The following DTNA variants were observed in gnomAD, a reference collection of about 807,000 sequenced individuals.
DTNA encodes the protein dystrophin-related protein 3.
In DTNA, 43 loss-of-function variants were observed where a neutral mutation model predicts 100.7. The observed-to-expected ratio is 0.43, with a 90% CI of 0.33 to 0.55. DTNA has a LOEUF of 0.55. Ranked by LOEUF, DTNA falls within the 20% of genes least tolerant of loss-of-function variation. DTNA has a pLI of 0.04. For synonymous variants in DTNA, 349 were observed against 347.9 expected (o/e 1.00, Z -0.04); for missense variants, 798 against 953.9 (o/e 0.84, Z 2.15).
intron 1 of DTNA, among the ~76,000 whole-genome samples, chr18:34,667,460 G>A (rs2144836946): frequency 1.3e-5 from 2 of 152,296 alleles, no homozygotes; most frequent in Middle Eastern, 6.8e-3. Context: ...CCAACACTAT[G>A]TTGAAAAGGA....
intron 14 of DTNA, among the ~76,000 whole-genome samples, chr18:34,850,689 T>C (rs1191030612): frequency 1.3e-5 from 2 of 152,172 alleles, no homozygotes; most frequent in Admixed American, 6.5e-5. Flanking sequence ...ACAATAAAAA[T>C]TGGTGTGGAG....
chr18:34,830,641 C>T (rs919496716), intron 11 of DTNA, among the ~76,000 whole-genome samples: 10 of 152,150 alleles, frequency 6.6e-5, no homozygotes, highest in African/African-American at 2.2e-4. Flanking sequence ...CTCAAAGGCA[C>T]TCTCCCTTGG....
intron 17 of DTNA, among the ~76,000 whole-genome samples, chr18:34,865,170 G>A (rs957208331): frequency 2.6e-5 from 4 of 152,186 alleles, no homozygotes. Flanking sequence ...GCGAGAGAGG[G>A]TCTCCCAACT....
intron 1 of DTNA, among the ~76,000 whole-genome samples, chr18:34,559,981 G>A (rs1419456982): frequency 6.6e-6 from 1 of 152,152 alleles, no homozygotes; most frequent in Non-Finnish European, 1.5e-5. Flanking sequence ...AACCACTAGA[G>A]ATTCTGTAAT....
intron 17 of DTNA, 62 bp from the exon 18 acceptor site, chr18:34,875,177 T>C: frequency 1.3e-6 from 2 of 1,594,204 alleles, no homozygotes; most frequent in Non-Finnish European, 1.7e-6. Flanking sequence ...AACTGAGGCA[T>C]TGGGGATGAC....
intron 6 of DTNA, 27 bp downstream of exon 6, chr18:34,812,140 T>C (rs770968378): frequency 4.3e-6 from 7 of 1,613,496 alleles, no homozygotes; most frequent in Non-Finnish European, 1.7e-6. Context: ...TTTAAGGAAG[T>C]ATCTCTTTCA....
intron 17 of DTNA, among the ~76,000 whole-genome samples, chr18:34,873,961 C>T (rs1045318420): frequency 5.9e-5 from 9 of 152,108 alleles, no homozygotes; most frequent in Non-Finnish European, 1.3e-4. Flanking sequence ...AGAATGGGAC[C>T]CTCAGCCCAT....
chr18:34,612,223 G>A (rs1171474548), intron 1 of DTNA, among the ~76,000 whole-genome samples: 4 of 152,100 alleles, frequency 2.6e-5, no homozygotes, highest in Admixed American at 1.3e-4. Context: ...CACCATCTAC[G>A]CGTGCCTGGA....
chr18:34,521,555 G>T (rs2042150632), intron 1 of DTNA, among the ~76,000 whole-genome samples: 1 of 152,074 alleles, frequency 6.6e-6, no homozygotes, highest in Non-Finnish European at 1.5e-5. Flanking sequence ...AGGTGACCTT[G>T]CTTGGACCTC....
chr18:34,592,908 G>A (rs964814374), intron 1 of DTNA, among the ~76,000 whole-genome samples: 2 of 152,134 alleles, frequency 1.3e-5, no homozygotes, highest in African/African-American at 4.8e-5. Context: ...TTTACTATTT[G>A]TATTTTGTGT....
At chr18:34,557,623 T>G (rs1293270386) in intron 1 of DTNA, among the ~76,000 whole-genome samples, 37 of 151,718 alleles carry the variant, frequency 2.4e-4, no homozygotes, top group Admixed American at 2.4e-3. Context: ...TGGAATACCC[T>G]GCCGTGTGAG....
At chr18:34,866,806 A>G in intron 17 of DTNA, 1 of 998,292 alleles carries the variant, frequency 1.0e-6, no homozygotes, top group Non-Finnish European at 1.2e-6. Context: ...TCTTTTTAAA[A>G]AGTAACTCTC....
chr18:34,563,208 C>T (rs1020348251), intron 1 of DTNA, among the ~76,000 whole-genome samples: 3 of 152,146 alleles, frequency 2.0e-5, no homozygotes, highest in African/African-American at 7.2e-5. Flanking sequence ...TGGTTCCCTA[C>T]TGGGAAGGTC....
intron 1 of DTNA, among the ~76,000 whole-genome samples, chr18:34,507,847 A>G (rs2040643220): frequency 6.6e-6 from 1 of 152,194 alleles, no homozygotes; most frequent in African/African-American, 2.4e-5. Context: ...GTTGAGAACC[A>G]CTGCACTAGA....
Position 34,558,333 on chromosome 18 carries a change from G to A in DTNA, c.-2+64819G>A, listed in dbSNP as rs188344865. 3.3e-3 allele frequency among the ~76,000 whole-genome samples: 506 copies of A among 152,244 alleles called. 1 individual carries two copies. The highest frequency in any genetic ancestry group is 0.012 in the African/African-American group (484 of 41,536). On this transcript the variant is annotated intron_variant, in intron 1 of 19. Coordinates refer to the DTNA transcript ENST00000283365. ...AATGCAGAAATCACCCGTCTTCTGC[G>A]TCGCTCACCCTGGGAGCTGTAGACT...
intron 1 of DTNA, among the ~76,000 whole-genome samples, chr18:34,741,341 A>G (rs747797976): frequency 6.6e-6 from 1 of 152,188 alleles, no homozygotes; most frequent in Non-Finnish European, 1.5e-5. Flanking sequence ...TATTGGGGTT[A>G]CAATGATTCT....
At chr18:34,783,265 C>T (rs73412613) in intron 3 of DTNA, among the ~76,000 whole-genome samples, 21,455 of 152,134 alleles carry the variant, frequency 0.14, 1,600 homozygotes, top group African/African-American at 0.17. Context: ...TCATACCTCA[C>T]TTTGAATAAC....
chr18:34,799,375 C>T (rs1157126172), intron 4 of DTNA, among the ~76,000 whole-genome samples: 1 of 152,006 alleles, frequency 6.6e-6, no homozygotes, highest in Non-Finnish European at 1.5e-5. Context: ...TTCTGTCTTT[C>T]GAATTTAAAA....
chr18:34,610,633 A>G (rs2054037481), intron 1 of DTNA, among the ~76,000 whole-genome samples: 1 of 152,216 alleles, frequency 6.6e-6, no homozygotes, highest in South Asian at 2.1e-4. Context: ...TGAAAATGAA[A>G]TACTTAAGAA....
Sources: gnomAD v4.1 joint callset for allele counts (sites outside exome capture counted in the v4.1 genomes callset) on GRCh38, gnomAD v4.1.1 for gene constraint, MANE v1.5 for transcripts, NCBI Gene and HGNC (gene_info 2026-07-23, HGNC 2026-07-21) for gene names.